PTPN14: variants seen among roughly 807,000 people sequenced by gnomAD.
PTPN14 encodes the protein protein tyrosine phosphatase non-receptor type 14.
A neutral mutation model predicts 126.8 loss-of-function variants in PTPN14; 53 were observed. The observed-to-expected ratio is 0.42, with a 90% CI of 0.34 to 0.53. The LOEUF is 0.53. Among genes scored for constraint, PTPN14 ranks in the 20% least tolerant of loss-of-function variants. The pLI, the probability that PTPN14 is intolerant of heterozygous loss-of-function variation, is 0.08. For synonymous variants in PTPN14, 630 were observed against 599.3 expected (o/e 1.05, Z -0.75); for missense variants, 1,257 against 1,552.9 (o/e 0.81, Z 3.20).
At chr1:214,399,209 A>T (rs1658960069) in intron 7 of PTPN14, among the ~76,000 whole-genome samples, 1 of 152,264 alleles carries the variant, frequency 6.6e-6, no homozygotes. Context: ...ACCCATGAGT[A>T]GAATAAATCA....
At chr1:214,514,973 G>A (rs775289234) in intron 1 of PTPN14, among the ~76,000 whole-genome samples, 31 of 152,250 alleles carry the variant, frequency 2.0e-4, no homozygotes, top group Admixed American at 7.2e-4. Context: ...TCCTGTAGCC[G>A]ACAATAAACA....
intron 1 of PTPN14, among the ~76,000 whole-genome samples, chr1:214,502,849 T>C (rs1012011114): frequency 6.6e-6 from 1 of 152,252 alleles, no homozygotes; most frequent in African/African-American, 2.4e-5. Flanking sequence ...GTTATCCTTA[T>C]GTCAATTATT....
At chr1:214,360,558 G>A (rs1657932249) in intron 18 of PTPN14, among the ~76,000 whole-genome samples, 1 of 152,116 alleles carries the variant, frequency 6.6e-6, no homozygotes. Flanking sequence ...TGTTTGATGA[G>A]GATTACTCTG....
At chr1:214,515,997 G>C (rs532411665) in intron 1 of PTPN14, among the ~76,000 whole-genome samples, 10 of 152,206 alleles carry the variant, frequency 6.6e-5, no homozygotes, top group African/African-American at 2.2e-4. Context: ...AAAGAGCTTT[G>C]TACTCAACTT....
chr1:214,475,594 T>TA lies in PTPN14; in HGVS notation c.-154-10638dup, dbSNP rs532413046. On this transcript the variant is annotated intron_variant, in intron 1 of 18. Transcript: ENST00000366956. Reference sequence around the variant, plus strand: ...CAATTCCACTTCTTTTTGCTGTCAGTATCTATATCCACAATGATGTATGTC... The same window carrying TA: ...CAATTCCACTTCTTTTTGCTGTCAGTAATCTATATCCACAATGATGTATGTC... 5.3e-5 allele frequency among the ~76,000 whole-genome samples: 8 copies of TA among 152,316 alleles called. No individual in the cohort carries two copies. The South Asian group carries it at 1.4e-3, about 28-fold the overall frequency.
chr1:214,464,074 G>A, intron 2 of PTPN14, among the ~76,000 whole-genome samples: 1 of 152,044 alleles, frequency 6.6e-6, no homozygotes, highest in African/African-American at 2.4e-5. Flanking sequence ...AAGGCAACGA[G>A]GGCTGTGAGG....
intron 3 of PTPN14, among the ~76,000 whole-genome samples, chr1:214,433,989 A>G (rs1420650391): frequency 2.1e-5 from 3 of 144,470 alleles, no homozygotes; most frequent in African/African-American, 7.6e-5. Context: ...AAATTTAGCC[A>G]GGCATGGTGG....
chr1:214,549,098 A>G (rs1656040632), intron 1 of PTPN14, among the ~76,000 whole-genome samples: 1 of 152,158 alleles, frequency 6.6e-6, no homozygotes, highest in African/African-American at 2.4e-5. Flanking sequence ...ATAAACACCC[A>G]AAGTTGTAGG....
At chr1:214,445,400 G>T (rs1391543857) in intron 3 of PTPN14, among the ~76,000 whole-genome samples, 1 of 152,150 alleles carries the variant, frequency 6.6e-6, no homozygotes. Flanking sequence ...CATTAATAGG[G>T]TGGACAGCCC....
chr1:214,507,926 A>G (rs1654881873), intron 1 of PTPN14, among the ~76,000 whole-genome samples: 9 of 152,100 alleles, frequency 5.9e-5, no homozygotes, highest in Admixed American at 5.9e-4. Context: ...GGCTGCAGTG[A>G]GCTATGATTG....
chr1:214,392,338 T>C (rs1361994123), intron 10 of PTPN14, among the ~76,000 whole-genome samples: 1 of 152,188 alleles, frequency 6.6e-6, no homozygotes, highest in East Asian at 1.9e-4. Context: ...ACAGAATTTC[T>C]TCTTAGTTTT....
intron 1 of PTPN14, among the ~76,000 whole-genome samples, chr1:214,471,521 A>G (rs1660758857): frequency 6.6e-6 from 1 of 152,168 alleles, no homozygotes; most frequent in Non-Finnish European, 1.5e-5. Flanking sequence ...CTCTTCTCAT[A>G]GTTTCAGAGT....
chr1:214,550,741 G>A (rs1443387073), intron 1 of PTPN14, among the ~76,000 whole-genome samples: 1 of 152,188 alleles, frequency 6.6e-6, no homozygotes, highest in Non-Finnish European at 1.5e-5. Context: ...CTTCCCGGTG[G>A]TGGTGGGGTG....
intron 16 of PTPN14, among the ~76,000 whole-genome samples, chr1:214,370,535 A>T (rs1658194852): frequency 6.6e-6 from 1 of 152,132 alleles, no homozygotes; most frequent in Non-Finnish European, 1.5e-5. Flanking sequence ...CAGCACACTG[A>T]CTACCGATGC....
intron 10 of PTPN14, among the ~76,000 whole-genome samples, chr1:214,392,670 T>A (rs908644514): frequency 1.3e-5 from 2 of 152,146 alleles, no homozygotes; most frequent in Non-Finnish European, 2.9e-5. Flanking sequence ...CCGCTTCACT[T>A]GCCACTCCCC....
intron 1 of PTPN14, among the ~76,000 whole-genome samples, chr1:214,549,530 G>A (rs545818465): frequency 2.2e-4 from 33 of 152,238 alleles, no homozygotes; most frequent in African/African-American, 7.5e-4. Flanking sequence ...TTCAGCTCCC[G>A]CTCATTAAGG....
chr1:214,388,597 G>A (rs4655248), intron 11 of PTPN14, among the ~76,000 whole-genome samples: 15,810 of 151,848 alleles, frequency 0.1, 1,311 homozygotes, highest in East Asian at 0.37. Context: ...TAGTAGAGAC[G>A]GGGTTTCACC....
chr1:214,427,276 CAAAAAAAAA>C (rs5741915), intron 3 of PTPN14, among the ~76,000 whole-genome samples: 5 of 65,216 alleles, frequency 7.7e-5, no homozygotes, highest in Non-Finnish European at 2.7e-5. Flanking sequence ...GTCTCCATCT[CAAAAAAAAA>C]AAAAAAAAAA....
At chr1:214,521,936 C>CTT (rs367888207) in intron 1 of PTPN14, among the ~76,000 whole-genome samples, 54 of 99,916 alleles carry the variant, frequency 5.4e-4, no homozygotes, top group Non-Finnish European at 7.7e-4. Context: ...AAATCTGAAG[C>CTT]TTTTTTTTTT....
Sources: allele counts gnomAD v4.1 joint callset (sites outside exome capture counted in the v4.1 genomes callset), GRCh38; gene constraint gnomAD v4.1.1; transcripts MANE v1.5; gene names NCBI Gene and HGNC (gene_info 2026-07-23, HGNC 2026-07-21).